TTN: variants seen among roughly 807,000 people sequenced by gnomAD.
TTN encodes the protein titin.
Under a neutral mutation model 3,223.0 loss-of-function variants are expected in TTN, and 1,525 were observed. That is an observed-to-expected ratio of 0.47 (90% CI 0.45 to 0.49). The LOEUF is 0.49. Among genes scored for constraint, TTN ranks in the 20% least tolerant of loss-of-function variants. TTN has a pLI of 0.00. For synonymous variants in TTN, 14,094 were observed against 15,161.0 expected, an observed-to-expected ratio of 0.93 and a Z score of 5.17; for missense variants, 40,786 against 43,424.0, an observed-to-expected ratio of 0.94 and a Z score of 5.40.
rs769635185 is a variant in TTN, at chr2:178,731,719, A to G, written c.17156T>C (p.Ile5719Thr). ...CRVTNEVGSS[I>T]CSARVTLREP... ...TCTTAAAGTCACCCTGGCACTGCAG[A>G]TGCTGCTGCCCACCTCATTGGTCAC... Residue 5719 changes from isoleucine to threonine, a missense_variant, in exon 58 of 363, where the codon ATC (isoleucine) becomes ACC (threonine). Physicochemically the swap from Ile to Thr is moderately conservative, Grantham distance 89. Transcript: ENST00000589042. 7.4e-6 allele frequency: 12 copies of G among 1,612,442 alleles called. No homozygotes were observed. The highest frequency in any genetic ancestry group is 1.0e-5 in the Non-Finnish European group (12 of 1,178,692).
chr2:178,770,502 G>A lies in TTN; in HGVS notation c.8290C>T (p.Leu2764=). 8 of 1,614,136 alleles carry A rather than the reference G, an allele frequency of 5.0e-6. No individual in the cohort carries two copies. The highest frequency in any genetic ancestry group is 6.8e-6 in the Non-Finnish European group (8 of 1,180,010). The change falls in exon 35 of 363, where the codon CTG becomes TTG. Residue 2764 remains leucine (L), a synonymous_variant. Transcript: ENST00000589042. ...ACGATGGCACAGTTTTTAATCCTCA[G>A]AGAGTAAATTGTTCCTTTGACAGAG... The part of the protein sequence containing the change: ...AISVKGTIYS[L]RIKNCAIVDE...
Position 178,725,850 on chromosome 2 carries a change from G to C in TTN, c.20472C>G (p.Asp6824Glu), listed in dbSNP as rs1418781337. 6.2e-6 allele frequency: 10 copies of C among 1,613,280 alleles called. No homozygotes were observed. The highest frequency in any genetic ancestry group is 5.9e-6 in the Non-Finnish European group (7 of 1,179,506). ...AGTGGTATTCACCGATGTCTGAAGT[G>C]TCCACATTGAGAATGTGAATACTTG... ...FHTSIHILNVDTSDIGEYHCK... is the reference protein window; with the variant it reads ...FHTSIHILNVETSDIGEYHCK... Residue 6824 changes from aspartate (D) to glutamate (E), a missense_variant, in exon 70 of 363, where the codon GAC becomes GAG. Physicochemically the swap from Asp to Glu is conservative, Grantham distance 45. Transcript: ENST00000589042.
chr2:178,574,764 G>C lies in TTN; in HGVS notation c.71368C>G (p.Arg23790Gly). ...TGATACTCTAATCCAGTAGTAAGGC[G>C]GGTGGCTTTATAGGTAGTACGTATA... ...TVIRTTYKATRLTTGLEYQFR... is the reference protein window; with the variant it reads ...TVIRTTYKATGLTTGLEYQFR... Residue 23790 changes from arginine to glycine, a missense_variant, in exon 326 of 363, where the codon CGC becomes GGC. Physicochemically the swap from Arg to Gly is moderately radical, Grantham distance 125. Transcript: ENST00000589042. The C allele has an allele frequency of 6.2e-7, 1 of 1,612,302 alleles. No homozygotes were observed. Among genetic ancestry groups the C allele is most frequent in the Non-Finnish European group, 8.5e-7 (1 of 1,178,992 alleles).
At chr2:178,708,668 T>G (rs886830907) in intron 99 of TTN, among the ~76,000 whole-genome samples, 1 of 152,208 alleles carries the variant, frequency 6.6e-6, no homozygotes, top group Non-Finnish European at 1.5e-5. Flanking sequence ...ATATTTTTCA[T>G]TTTATAAAAT....
chr2:178,552,236 G>GAA lies in TTN; in HGVS notation c.90663_90664insTT (p.Leu30222PhefsTer69). 6.2e-7 allele frequency: 1 copy of GAA among 1,613,410 alleles called. No individual in the cohort carries two copies. The highest frequency in any genetic ancestry group is 8.5e-7 in the Non-Finnish European group (1 of 1,179,602). On this transcript the variant is annotated frameshift_variant, in exon 335 of 363. Transcript: ENST00000589042. LOFTEE classifies it high-confidence loss of function. ...CCTTTGGGCTTTGATGGTGGGCCAA[G>GAA]GGTGATGACTGTAATGGGGACTGCA...
chr2:178,647,274 T>C (rs2062161439), intron 214 of TTN, 107 bp downstream of exon 214: 1 of 1,334,864 alleles, frequency 7.5e-7, no homozygotes, highest in African/African-American at 1.5e-5. Flanking sequence ...CCCCCAAATA[T>C]CAATAACTTC....
intron 50 of TTN, 53 bp downstream of exon 50, chr2:178,735,458 C>A: frequency 1.4e-6 from 2 of 1,465,502 alleles, no homozygotes; most frequent in Non-Finnish European, 1.8e-6. Context: ...AGTTTTTCTA[C>A]TGAGGATTCC....
In TTN at chr2:178,608,998, A is replaced by G. The variant is rs1045163709; in HGVS notation, c.52103-90T>C. 1.7e-5 allele frequency: 25 copies of G among 1,487,338 alleles called. No individual in the cohort carries two copies. The African/African-American group carries it at 2.8e-4, about 17-fold the overall frequency. The allele number at this position is 1,487,338 out of a possible 1,614,324, so 92.1% of individuals were successfully genotyped here. A position where few individuals can be genotyped will look rare whatever the true frequency, so the allele number is the denominator to read the frequency against. ...AATGTGAGCATGCTCCTCTGACATGATTTGTGGTTTTCCCACATCTATCTT... is the reference window on the plus strand; with the variant it reads ...AATGTGAGCATGCTCCTCTGACATGGTTTGTGGTTTTCCCACATCTATCTT... On this transcript the variant is annotated intron_variant, in intron 273 of 362. Coordinates refer to ENST00000589042, the MANE Select transcript of TTN (RefSeq NM_001267550.2).
chr2:178,607,436 C>T lies in TTN; in HGVS notation c.53252G>A (p.Gly17751Asp). The T allele has an allele frequency of 1.2e-6, 2 of 1,613,166 alleles. No homozygotes were observed. Among genetic ancestry groups the T allele is most frequent in the Non-Finnish European group, 8.5e-7 (1 of 1,179,384 alleles). Residue 17751 changes from glycine (G) to aspartate (D), a missense_variant, in exon 277 of 363, where the codon GGT becomes GAT. Physicochemically the swap from Gly to Asp is moderately conservative, Grantham distance 94. Transcript: ENST00000589042. ...RYVITATNSC[G>D]SKFAAARVEV... ...TACCCTGGCTGCTGCAAATTTGGAA[C>T]CACAGCTATTTGTAGCTGTAATCAC...
chr2:178,535,185 A>C lies in TTN; in HGVS notation c.101430T>G (p.Ser33810=), dbSNP rs536880840. 2 of 1,613,950 alleles carry C rather than the reference A, an allele frequency of 1.2e-6. No individual in the cohort carries two copies. Among genetic ancestry groups the C allele is most frequent in the African/African-American group, 2.7e-5 (2 of 75,058 alleles). The change falls in exon 358 of 363, where the codon TCT becomes TCG. Residue 33810 remains serine (S), a synonymous_variant. Coordinates refer to ENST00000589042, the MANE Select transcript of TTN (RefSeq NM_001267550.2). ...ATTTCTCATAGAGTTCCTTGGTTGA[A>C]GAGTGAGATGCTTTAGTCATGGAGA... is the stretch of plus-strand genomic sequence containing the variant. ...REVSMTKASH[S]STKELYEKYM...
At position 178,720,382 on chromosome 2, in the gene TTN, A is replaced by C; in HGVS notation, c.23377+3T>G. On this transcript the variant is annotated splice_donor_region_variant and intron_variant, in intron 80 of 362. Coordinates refer to ENST00000589042, the MANE Select transcript of TTN (RefSeq NM_001267550.2). ...ATATATTTTTGTGTCCATGTATACA[A>C]ACCTTTGAACTTGACAGAGCAAGAA... The C allele has an allele frequency of 6.2e-7, 1 of 1,608,762 alleles. No homozygotes were observed. The highest frequency in any genetic ancestry group is 8.5e-7 in the Non-Finnish European group (1 of 1,177,034).
At position 178,620,635 on chromosome 2, in the gene TTN, A is replaced by C. The variant is rs763787545; in HGVS notation, c.45896-10T>G. 2 of 1,602,918 alleles carry C rather than the reference A, an allele frequency of 1.2e-6. No homozygotes were observed. Reference sequence around the variant, plus strand: ...ATCCTAAGGTCTTCCTCTGTTGTAAAGGAGAAAAATATGTTGATTTTAATT... The same window carrying C: ...ATCCTAAGGTCTTCCTCTGTTGTAACGGAGAAAAATATGTTGATTTTAATT... On this transcript the variant is annotated splice_polypyrimidine_tract_variant and intron_variant, in intron 247 of 362. Coordinates refer to ENST00000589042, the MANE Select transcript of TTN (RefSeq NM_001267550.2).
chr2:178,796,840 T>C (rs2154357088), intron 6 of TTN, among the ~76,000 whole-genome samples: 1 of 152,324 alleles, frequency 6.6e-6, no homozygotes, highest in East Asian at 1.9e-4. Context: ...TGCTTATTTC[T>C]GTACTTACAA....
intron 132 of TTN, 112 bp downstream of exon 132, chr2:178,684,218 A>T (rs1560359551): frequency 1.4e-6 from 2 of 1,382,150 alleles, no homozygotes; most frequent in Admixed American, 2.1e-5. Flanking sequence ...TGTAACAACA[A>T]CAACAACATC....
Position 178,534,185 on chromosome 2 carries a change from G to A in TTN, c.102430C>T (p.His34144Tyr), listed in dbSNP as rs560027565. 1 of 1,613,936 alleles carries A rather than the reference G, an allele frequency of 6.2e-7. No homozygotes were observed. The highest frequency in any genetic ancestry group is 2.2e-5 in the East Asian group (1 of 44,874). The change falls in exon 358 of 363, where the codon CAT becomes TAT. Residue 34144 changes from histidine to tyrosine, a missense_variant. Coordinates refer to ENST00000589042, the MANE Select transcript of TTN (RefSeq NM_001267550.2). ...EIGPVSGQIM[H>Y]AVGEEGGHVK... ...TGTCCTCCTTCTTCACCAACTGCAT[G>A]CATTATCTGCCCAGAAACTGGGCCA...
rs1264036094 is a variant in TTN, at chr2:178,589,966, TAC to T, written c.61757_61758del (p.Cys20586TyrfsTer10). On this transcript the variant is annotated frameshift_variant, in exon 304 of 363. Transcript: ENST00000589042. LOFTEE classifies it high-confidence loss of function. ...TCTAGTGGGTTTTCCCAAGAAATTG[TAC>T]AGTTCTCTTTGGTTACATTGGTAAC... ...LKVTNVTKEN[C>X]TISWENPLDN... 1 of 1,613,252 alleles carries T rather than the reference TAC, an allele frequency of 6.2e-7. No homozygotes were observed. The highest frequency in any genetic ancestry group is 8.5e-7 in the Non-Finnish European group (1 of 1,179,518).
chr2:178,779,619 T>C (rs1244263530), intron 22 of TTN, among the ~76,000 whole-genome samples, 157 bp from the exon 23 acceptor site: 2 of 152,230 alleles, frequency 1.3e-5, no homozygotes, highest in African/African-American at 2.4e-5. Flanking sequence ...TATGGTCATC[T>C]TTCCCAGTGA....
In TTN at chr2:178,739,783, C is replaced by T. The variant is rs1574070518; in HGVS notation, c.13450G>A (p.Glu4484Lys). 2 of 1,613,778 alleles carry T rather than the reference C, an allele frequency of 1.2e-6. No individual in the cohort carries two copies. The highest frequency in any genetic ancestry group is 2.2e-5 in the East Asian group (1 of 44,848). The change falls in exon 48 of 363, where the codon GAA becomes AAA. Residue 4484 changes from glutamate to lysine, a missense_variant. By Grantham distance (56) the Glu-to-Lys change is moderately conservative (BLOSUM62 1). Coordinates refer to ENST00000589042, the MANE Select transcript of TTN (RefSeq NM_001267550.2). ...CCCTCAGCTGTTAGGATGTCTATTT[C>T]CTCATATATAATAGCACACAAAGCA... ...RDALCAIIYE[E>K]IDILTAEGPR...
At position 178,746,390 on chromosome 2, in the gene TTN, G is replaced by A. The variant is rs1277767082; in HGVS notation, c.11312-4469C>T. ...CACAATCATACTTTTATGGTCAGGA[G>A]TAAATTCGGGAACTGTCACTATTTT... On this transcript the variant is annotated intron_variant, in intron 47 of 362. Coordinates refer to ENST00000589042, the MANE Select transcript of TTN (RefSeq NM_001267550.2). 2.5e-6 allele frequency: 4 copies of A among 1,609,664 alleles called. No homozygotes were observed. In the Admixed American group the frequency reaches 6.7e-5, roughly 27 times the overall value.
Sources: allele counts gnomAD v4.1 joint callset (sites outside exome capture counted in the v4.1 genomes callset), GRCh38; gene constraint gnomAD v4.1.1; transcripts MANE v1.5; gene names NCBI Gene and HGNC (gene_info 2026-07-23, HGNC 2026-07-21).